The following RBPJ variants were observed in gnomAD, a reference collection of about 807,000 sequenced individuals.
RBPJ encodes the protein recombination signal binding protein for immunoglobulin kappa J region.
Under a neutral mutation model 67.8 loss-of-function variants are expected in RBPJ, and 9 were observed. The ratio of observed to expected loss-of-function variants is 0.13; its 90% CI spans 0.08 to 0.23. The LOEUF (loss-of-function observed/expected upper bound fraction) is 0.23. Ranked by LOEUF, RBPJ falls within the 10% of genes least tolerant of loss-of-function variation. RBPJ has a pLI of 1.00. For missense variants in RBPJ, 305 were observed against 595.6 expected, an observed-to-expected ratio of 0.51 and a Z score of 5.08; for synonymous variants, 198 against 203.3, an observed-to-expected ratio of 0.97 and a Z score of 0.22.
intron 3 of RBPJ, chr4:26,409,963 A>G (rs1199868250): frequency 2.4e-6 from 1 of 422,488 alleles, no homozygotes; most frequent in Non-Finnish European, 4.6e-6. Context: ...TTGTATTGTT[A>G]AAAATTTCAA....
intron 1 of RBPJ, among the ~76,000 whole-genome samples, chr4:26,278,862 A>G (rs1328653237): frequency 2.0e-5 from 3 of 152,214 alleles, no homozygotes; most frequent in Non-Finnish European, 4.4e-5. Flanking sequence ...TTCCACTTAC[A>G]TGATATCTGG....
chr4:26,403,997 C>G (rs1262535470), intron 2 of RBPJ, among the ~76,000 whole-genome samples: 1 of 152,110 alleles, frequency 6.6e-6, no homozygotes, highest in African/African-American at 2.4e-5. Flanking sequence ...TTTACGCTAC[C>G]ACCAACAGTG....
At chr4:26,422,291 CA>C (rs748815149) in intron 5 of RBPJ, among the ~76,000 whole-genome samples, 34 of 152,030 alleles carry the variant, frequency 2.2e-4, no homozygotes, top group Non-Finnish European at 4.3e-4. Flanking sequence ...AGTTCCTCAG[CA>C]AACTTTAACC....
rs572996823 is a variant in RBPJ, at chr4:26,248,648, A to G, written c.-167+85034A>G. Among the ~76,000 whole-genome samples, 3 of 152,360 alleles carry G rather than the reference A, an allele frequency of 2.0e-5. No individual in the cohort carries two copies. The East Asian group carries it at 5.8e-4, about 29-fold the overall frequency. On this transcript the variant is annotated intron_variant, in intron 1 of 4. Coordinates refer to the RBPJ transcript ENST00000512351. ...ATAGTTAGACTATATAACAGTGAATAATTCCCTAAGAGCAGAATAAATCTG... is the reference window on the plus strand; with the variant it reads ...ATAGTTAGACTATATAACAGTGAATGATTCCCTAAGAGCAGAATAAATCTG...
the RBPJ span, among the ~76,000 whole-genome samples, chr4:26,125,273 C>A: frequency 3.3e-5 from 5 of 152,106 alleles, no homozygotes; most frequent in Non-Finnish European, 7.4e-5. Flanking sequence ...CATGGGGCAC[C>A]CTGTGATGTA....
chr4:26,273,679 G>A (rs1409826610), intron 1 of RBPJ, among the ~76,000 whole-genome samples: 1 of 152,214 alleles, frequency 6.6e-6, no homozygotes, highest in African/African-American at 2.4e-5. Context: ...GGGCCTGGGA[G>A]CTCTTTTCAC....
intron 3 of RBPJ, among the ~76,000 whole-genome samples, chr4:26,407,187 C>T (rs1449077269): frequency 6.6e-6 from 1 of 152,008 alleles, no homozygotes; most frequent in Admixed American, 6.5e-5. Context: ...CAAATGTGAC[C>T]CCAAAAGTAC....
chr4:26,362,585 C>A (rs201365032), intron 1 of RBPJ: 4 of 1,613,682 alleles, frequency 2.5e-6, no homozygotes, highest in Non-Finnish European at 3.4e-6. Flanking sequence ...CAAGCTGTGA[C>A]TTACCTTAAC....
At chr4:26,355,350 G>C (rs1727259805) in intron 1 of RBPJ, among the ~76,000 whole-genome samples, 1 of 152,058 alleles carries the variant, frequency 6.6e-6, no homozygotes, top group African/African-American at 2.4e-5. Context: ...TTCTACTCAG[G>C]AGACATTTCT....
intron 1 of RBPJ, among the ~76,000 whole-genome samples, chr4:26,355,791 C>CA (rs1727315048): frequency 6.6e-6 from 1 of 152,220 alleles, no homozygotes; most frequent in Non-Finnish European, 1.5e-5. Flanking sequence ...TACACTCACA[C>CA]AAACTGTAAG....
chr4:26,312,477 A>G (rs1722465938), intron 1 of RBPJ, among the ~76,000 whole-genome samples: 1 of 152,062 alleles, frequency 6.6e-6, no homozygotes, highest in South Asian at 2.1e-4. Context: ...TCCCTATTCT[A>G]TGTACATCAA....
At chr4:26,259,773 T>C (rs992832233) in intron 1 of RBPJ, among the ~76,000 whole-genome samples, 4 of 152,210 alleles carry the variant, frequency 2.6e-5, no homozygotes, top group African/African-American at 9.6e-5. Context: ...ACAAACAAGA[T>C]GAATTTTTTC....
chr4:26,244,558 T>C (rs1719862179), intron 1 of RBPJ, among the ~76,000 whole-genome samples: 1 of 150,826 alleles, frequency 6.6e-6, no homozygotes, highest in Admixed American at 6.6e-5. Context: ...TGGTTTCTTA[T>C]TGTTATTTTA....
chr4:26,132,218 A>G, the RBPJ span, among the ~76,000 whole-genome samples: 52 of 152,288 alleles, frequency 3.4e-4, no homozygotes, highest in African/African-American at 1.2e-3. Flanking sequence ...GTCACCATCC[A>G]TATGAAAACA....
intron 1 of RBPJ, among the ~76,000 whole-genome samples, chr4:26,354,152 C>G (rs986340776): frequency 6.6e-6 from 1 of 150,500 alleles, no homozygotes; most frequent in Non-Finnish European, 1.5e-5. Context: ...AGGATGGTCT[C>G]GATCTCCTGA....
At chr4:26,277,519 G>C (rs1721123745) in intron 1 of RBPJ, among the ~76,000 whole-genome samples, 2 of 152,242 alleles carry the variant, frequency 1.3e-5, no homozygotes, top group South Asian at 4.1e-4. Context: ...TGGCCTTGGT[G>C]AGTTATCCTG....
At chr4:26,239,002 T>C (rs562299048) in intron 1 of RBPJ, among the ~76,000 whole-genome samples, 2 of 152,168 alleles carry the variant, frequency 1.3e-5, no homozygotes, top group South Asian at 4.1e-4. Flanking sequence ...CATTTGCCTT[T>C]TTCAATCAAT....
chr4:26,338,671 G>T (rs991632321), intron 1 of RBPJ, among the ~76,000 whole-genome samples: 2 of 151,294 alleles, frequency 1.3e-5, no homozygotes, highest in African/African-American at 2.4e-5. Flanking sequence ...TGCCTCCCAG[G>T]TTTAAACAGT....
intron 1 of RBPJ, among the ~76,000 whole-genome samples, chr4:26,355,424 G>T (rs1420120449): frequency 6.6e-6 from 1 of 150,542 alleles, no homozygotes; most frequent in Non-Finnish European, 1.5e-5. Context: ...GCCAAGGTAG[G>T]ATTGCATGTG....
Sources: gnomAD v4.1 joint callset for allele counts (sites outside exome capture counted in the v4.1 genomes callset) on GRCh38, gnomAD v4.1.1 for gene constraint, MANE v1.5 for transcripts, NCBI Gene and HGNC (gene_info 2026-07-23, HGNC 2026-07-21) for gene names.